The following PLEKHA3 variants were observed in gnomAD, a reference collection of about 807,000 sequenced individuals.
PLEKHA3 encodes the protein pleckstrin homology domain containing A3.
PLEKHA3 carries 19 observed loss-of-function variants against 39.2 expected under a neutral mutation model. That is an observed-to-expected ratio of 0.48 (90% CI 0.34 to 0.71). PLEKHA3 has a LOEUF of 0.71. Ranked by LOEUF, PLEKHA3 falls within the 30% of genes least tolerant of loss-of-function variation. The pLI is 0.01. For missense variants in PLEKHA3, 253 were observed against 359.5 expected (o/e 0.70, Z 2.40); for synonymous variants, 97 against 118.6 (o/e 0.82, Z 1.18).
chr2:178,503,884 C>A lies in PLEKHA3; in HGVS notation c.900C>A (p.Ser300=). 6.2e-7 allele frequency: 1 copy of A among 1,611,048 alleles called. No individual in the cohort carries two copies. Residue 300 remains serine, a synonymous_variant, in exon 8 of 8, where the codon TCC becomes TCA. Coordinates refer to ENST00000234453, the MANE Select transcript of PLEKHA3 (RefSeq NM_019091.4). ...ESEDTLPSFS[S] is the part of the protein sequence containing the mutation. ...AAGATACTCTTCCATCCTTCTCTTC[C>A]TGAAGAAACTGAAGTGTCCAACTTC... is the stretch of plus-strand genomic sequence containing the variant.
rs776158985 is a variant in PLEKHA3, at chr2:178,503,828, A to C, written c.844A>C (p.Arg282=). 1 of 1,612,046 alleles carries C rather than the reference A, an allele frequency of 6.2e-7. No individual in the cohort carries two copies. The highest frequency in any genetic ancestry group is 8.5e-7 in the Non-Finnish European group (1 of 1,178,410). The change falls in exon 8 of 8, where the codon AGA becomes CGA. Residue 282 remains arginine (R), a synonymous_variant. Transcript: ENST00000234453. The part of the protein sequence containing the change: ...LASATIPEES[R]LMAKKQSESE... ...ATCAGCAACCATTCCTGAAGAAAGC[A>C]GACTTATGGCCAAAAAACAATCTGA... is the stretch of plus-strand genomic sequence containing the variant.
chr2:178,513,329 A>G lies in PLEKHA3; in HGVS notation c.*9442A>G, dbSNP rs1685714605. 6.6e-6 allele frequency: 1 copy of G among 152,194 alleles called. No homozygotes were observed. The allele number at this position is 152,194 out of a possible 1,614,324, so 9.4% of individuals were successfully genotyped here. On this transcript the variant is annotated 3_prime_UTR_variant, in exon 8 of 8. Coordinates refer to ENST00000234453, the MANE Select transcript of PLEKHA3 (RefSeq NM_019091.4). ...CCCCAGTGGCACATTTTTATGATGC[A>G]TCTGGTACTAAAGAAGGAGCTGGCT...
chr2:178,494,725 C>G (rs370575349), intron 4 of PLEKHA3, among the ~76,000 whole-genome samples: 2 of 152,272 alleles, frequency 1.3e-5, no homozygotes, highest in East Asian at 3.9e-4. Context: ...TCCTTCCACT[C>G]TGCCATTCTT....
Position 178,504,160 on chromosome 2 carries a change from G to A in PLEKHA3, c.*273G>A. ...GGTGTAACATTTTGACATCCATAAG[G>A]ACAAATGTAGATATTTTTCTTAAAA... On this transcript the variant is annotated 3_prime_UTR_variant, in exon 8 of 8. Coordinates refer to ENST00000234453, the MANE Select transcript of PLEKHA3 (RefSeq NM_019091.4). The A allele has an allele frequency of 4.1e-6, 1 of 244,850 alleles. No homozygotes were observed. The highest frequency in any genetic ancestry group is 8.1e-6 in the Non-Finnish European group (1 of 123,370). The allele number at this position is 244,850 out of a possible 1,614,324, so 15.2% of individuals were successfully genotyped here. A position where few individuals can be genotyped will look rare whatever the true frequency, so the allele number is the denominator to read the frequency against.
intron 5 of PLEKHA3, among the ~76,000 whole-genome samples, chr2:178,498,915 T>TATAC (rs1481331574): frequency 6.6e-6 from 1 of 152,110 alleles, no homozygotes; most frequent in Non-Finnish European, 1.5e-5. Flanking sequence ...TTTATATTTG[T>TATAC]ATACACACAC....
chr2:178,485,834 A>G, intron 2 of PLEKHA3, 77 bp downstream of exon 2: 2 of 1,109,724 alleles, frequency 1.8e-6, no homozygotes, highest in Non-Finnish European at 2.7e-6. Flanking sequence ...GACGAGGAAA[A>G]AAAGCATTTC....
At chr2:178,490,557 T>G in intron 2 of PLEKHA3, 102 bp from the exon 3 acceptor site, 2 of 1,186,814 alleles carry the variant, frequency 1.7e-6, no homozygotes, top group Non-Finnish European at 2.4e-6. Flanking sequence ...TTCAATGTTT[T>G]TGGTATATGA....
At position 178,511,337 on chromosome 2, in the gene PLEKHA3, C is replaced by G. The variant is rs1685681276; in HGVS notation, c.*7450C>G. The G allele has an allele frequency of 6.6e-6, 1 of 150,582 alleles. No homozygotes were observed. Among genetic ancestry groups the G allele is most frequent in the Non-Finnish European group, 1.5e-5 (1 of 67,790 alleles). 9.3% of individuals were successfully genotyped at this position (150,582 alleles called of 1,614,324 possible). ...TGTCTTTATTGGGTCCCCTTATTAT[C>G]TGCTTTGATATCCATCTCTGGAACT... is the stretch of plus-strand genomic sequence containing the variant. On this transcript the variant is annotated 3_prime_UTR_variant, in exon 8 of 8. Coordinates refer to ENST00000234453, the MANE Select transcript of PLEKHA3 (RefSeq NM_019091.4).
chr2:178,497,958 ATTGT>A lies in PLEKHA3; in HGVS notation c.616-1250_616-1247del, dbSNP rs542154105. 1.4e-3 allele frequency among the ~76,000 whole-genome samples: 207 copies of A among 152,304 alleles called. 1 individual carries two copies. Among genetic ancestry groups the A allele is most frequent in the African/African-American group, 4.7e-3 (196 of 41,570 alleles). ...TCTTCATGTTTTTTTTTTAAATAACATTGTTTATTTATTTATATGAAAAACTTAC... is the reference window on the plus strand; with the variant it reads ...TCTTCATGTTTTTTTTTTAAATAACATTATTTATTTATATGAAAAACTTAC... On this transcript the variant is annotated intron_variant, in intron 5 of 7. Transcript: ENST00000234453.
chr2:178,507,674 T>TTG lies in PLEKHA3; in HGVS notation c.*3788_*3789insGT, dbSNP rs1685625534. 3.2e-5 allele frequency: 4 copies of TTG among 125,018 alleles called. No homozygotes were observed. The highest frequency in any genetic ancestry group is 6.3e-5 in the Non-Finnish European group (4 of 63,172). 7.7% of individuals were successfully genotyped at this position (125,018 alleles called of 1,614,324 possible). A position where few individuals can be genotyped will look rare whatever the true frequency, so the allele number is the denominator to read the frequency against. ...TCACATTAGGTTTTTTTTTTTTTTTTTTTTTTTTTTTTTTTTTTTTGGCAA... is the reference window on the plus strand; with the variant it reads ...TCACATTAGGTTTTTTTTTTTTTTTTTGTTTTTTTTTTTTTTTTTTTTGGCAA... On this transcript the variant is annotated 3_prime_UTR_variant, in exon 8 of 8. Transcript: ENST00000234453.
At chr2:178,494,590 C>T (rs1249889909) in intron 4 of PLEKHA3, among the ~76,000 whole-genome samples, 1 of 152,120 alleles carries the variant, frequency 6.6e-6, no homozygotes, top group African/African-American at 2.4e-5. Context: ...GTGGCCTTCT[C>T]CTGTTGGGGA....
rs1685583738 is a variant in PLEKHA3, at chr2:178,505,035, A to G, written c.*1148A>G. 1 of 152,394 alleles carries G rather than the reference A, an allele frequency of 6.6e-6. No homozygotes were observed. Among genetic ancestry groups the G allele is most frequent in the Admixed American group, 6.6e-5 (1 of 15,244 alleles). The allele number at this position is 152,394 out of a possible 1,614,324, so 9.4% of individuals were successfully genotyped here. ...TTTAAGTTAATCATATGTTTAATAA[A>G]TGCGTGGTTTTTGCATTCAAACACA... On this transcript the variant is annotated 3_prime_UTR_variant, in exon 8 of 8. Transcript: ENST00000234453.
intron 2 of PLEKHA3, among the ~76,000 whole-genome samples, chr2:178,488,268 CTG>C (rs1184343074): frequency 6.6e-6 from 1 of 152,192 alleles, no homozygotes; most frequent in Non-Finnish European, 1.5e-5. Flanking sequence ...TTTTCTTCCA[CTG>C]TGTAGTTTAT....
Position 178,495,491 on chromosome 2 carries a change from T to C in PLEKHA3, c.451-5T>C. 6.2e-7 allele frequency: 1 copy of C among 1,613,776 alleles called. No homozygotes were observed. The highest frequency in any genetic ancestry group is 8.5e-7 in the Non-Finnish European group (1 of 1,179,896). On this transcript the variant is annotated splice_region_variant and splice_polypyrimidine_tract_variant and intron_variant, in intron 4 of 7. Coordinates refer to ENST00000234453, the MANE Select transcript of PLEKHA3 (RefSeq NM_019091.4). ...ATCTGTTCAAGTCTTTGTGTAATTT[T>C]TCAGAACATGAATGAAGCCTCTTCT...
chr2:178,515,924 T>C lies in PLEKHA3; in HGVS notation c.*12037T>C, dbSNP rs1685756878. ...AAGCAAGCATTAGAAAGTAGCATAA[T>C]TGCTGTTAAAATAGTCTTTTCTTTG... On this transcript the variant is annotated 3_prime_UTR_variant, in exon 8 of 8. Coordinates refer to ENST00000234453, the MANE Select transcript of PLEKHA3 (RefSeq NM_019091.4). 1 of 152,032 alleles carries C rather than the reference T, an allele frequency of 6.6e-6. No homozygotes were observed. Among genetic ancestry groups the C allele is most frequent in the Admixed American group, 6.5e-5 (1 of 15,278 alleles). 9.4% of individuals were successfully genotyped at this position (152,032 alleles called of 1,614,324 possible). A position where few individuals can be genotyped will look rare whatever the true frequency, so the allele number is the denominator to read the frequency against.
intron 1 of PLEKHA3, 23 bp downstream of exon 1, chr2:178,480,932 G>C: frequency 3.8e-6 from 5 of 1,311,346 alleles, no homozygotes; most frequent in Non-Finnish European, 4.9e-6. Flanking sequence ...GTGTGATGAG[G>C]GAAGAGGGGA....
In PLEKHA3 at chr2:178,505,761, G is replaced by A. The variant is rs1485438711; in HGVS notation, c.*1874G>A. ...TTGCTTTACCCAAATAGATGGGTTC[G>A]TGAAGAGTTTTCTGTGAATATTTTA... is the stretch of plus-strand genomic sequence containing the variant. On this transcript the variant is annotated 3_prime_UTR_variant, in exon 8 of 8. Transcript: ENST00000234453. 2 of 151,848 alleles carry A rather than the reference G, an allele frequency of 1.3e-5. No homozygotes were observed. Among genetic ancestry groups the A allele is most frequent in the Non-Finnish European group, 2.9e-5 (2 of 67,872 alleles). The allele number at this position is 151,848 out of a possible 1,614,324, so 9.4% of individuals were successfully genotyped here.
rs774375527 is a variant in PLEKHA3 at position 178,485,695 on chromosome 2, C to G, written c.95C>G (p.Ser32Ter). The G allele has an allele frequency of 1.9e-6, 3 of 1,613,780 alleles. No homozygotes were observed. The highest frequency in any genetic ancestry group is 2.5e-6 in the Non-Finnish European group (3 of 1,179,878). ...AATGGAATCTTATCCTACTATGATT[C>G]ACAAGATGATGTTTGCAAAGGGAGC... ...LDNGILSYYD[S>*]QDDVCKGSKG... is the part of the protein sequence containing the mutation. The change falls in exon 2 of 8, where the codon TCA becomes TGA. Residue 32 changes from serine (S) to a stop codon, truncating the protein, a stop_gained. Transcript: ENST00000234453. LOFTEE classifies it high-confidence loss of function.
chr2:178,508,050 G>GGTGTGTGTGTGT lies in PLEKHA3; in HGVS notation c.*4191_*4202dup, dbSNP rs71023446. 7.0e-6 allele frequency: 1 copy of GGTGTGTGTGTGT among 142,116 alleles called. No homozygotes were observed. Among genetic ancestry groups the GGTGTGTGTGTGT allele is most frequent in the African/African-American group, 2.6e-5 (1 of 37,802 alleles). The allele number at this position is 142,116 out of a possible 1,614,324, so 8.8% of individuals were successfully genotyped here. A position where few individuals can be genotyped will look rare whatever the true frequency, so the allele number is the denominator to read the frequency against. On this transcript the variant is annotated 3_prime_UTR_variant, in exon 8 of 8. Coordinates refer to ENST00000234453, the MANE Select transcript of PLEKHA3 (RefSeq NM_019091.4). ...TAGAGATTTGTCTGCTTCAGTTCTG[G>GGTGTGTGTGTGT]GTGTGTGTGTGTGTGTGTGTGTGTG... is the stretch of plus-strand genomic sequence containing the variant.
Sources: gnomAD v4.1 joint callset for allele counts (sites outside exome capture counted in the v4.1 genomes callset) on GRCh38, gnomAD v4.1.1 for gene constraint, MANE v1.5 for transcripts, NCBI Gene and HGNC (gene_info 2026-07-23, HGNC 2026-07-21) for gene names.